SEL1L: variants seen among roughly 807,000 people sequenced by gnomAD.
SEL1L encodes the protein SEL1L adaptor subunit of SYVN1 ubiquitin ligase, also known as protein sel-1 homolog 1.
In SEL1L, 52 loss-of-function variants were observed where a neutral mutation model predicts 109.8. That is an observed-to-expected ratio of 0.47 (90% confidence interval 0.38 to 0.60). The LOEUF is 0.60. Among genes scored for constraint, SEL1L ranks in the 20% least tolerant of loss-of-function variants. SEL1L has a pLI of 0.00. For synonymous variants in SEL1L, 373 were observed against 339.6 expected, an observed-to-expected ratio of 1.10 and a Z score of -1.08; for missense variants, 749 against 962.2, an observed-to-expected ratio of 0.78 and a Z score of 2.93.
chr14:81,532,022 A>C (rs751338343), intron 1 of SEL1L, among the ~76,000 whole-genome samples: 2 of 152,244 alleles, frequency 1.3e-5, no homozygotes, highest in Non-Finnish European at 2.9e-5. Context: ...TCCTCTACCT[A>C]CATCAATACA....
At chr14:81,528,829 G>A (rs1885216354) in intron 1 of SEL1L, among the ~76,000 whole-genome samples, 1 of 152,102 alleles carries the variant, frequency 6.6e-6, no homozygotes, top group Non-Finnish European at 1.5e-5. Flanking sequence ...AATATCATTT[G>A]TAATTTGCAA....
intron 3 of SEL1L, among the ~76,000 whole-genome samples, chr14:81,522,548 A>T (rs1336520159): frequency 6.6e-6 from 1 of 152,254 alleles, no homozygotes; most frequent in African/African-American, 2.4e-5. Context: ...AGGCTATAAC[A>T]TATAGCCGAG....
chr14:81,492,601 G>A (rs1189311663), intron 11 of SEL1L, 53 bp from the exon 12 acceptor site: 5 of 1,184,114 alleles, frequency 4.2e-6, no homozygotes, highest in East Asian at 5.1e-5. Flanking sequence ...ATCTGCTTTT[G>A]ACTTTCAGCC....
intron 10 of SEL1L, among the ~76,000 whole-genome samples, chr14:81,495,576 T>C (rs1883713389): frequency 6.6e-6 from 1 of 152,084 alleles, no homozygotes; most frequent in South Asian, 2.1e-4. Flanking sequence ...AGGTCGAGGC[T>C]GCAGTGAGCT....
chr14:81,530,494 A>T (rs1281892612), intron 1 of SEL1L, among the ~76,000 whole-genome samples: 2 of 152,194 alleles, frequency 1.3e-5, no homozygotes, highest in East Asian at 1.9e-4. Context: ...TACTCTCTGA[A>T]TTTATAATTA....
Position 81,487,490 on chromosome 14 carries a change from T to C in SEL1L, c.1532A>G (p.Asn511Ser). The change falls in exon 16 of 21, where the codon AAT (asparagine) becomes AGT (serine). Residue 511 changes from asparagine (N) to serine (S), a missense_variant. By Grantham distance (46) the Asn-to-Ser change is conservative (BLOSUM62 1). Around this residue, in one of 2 missense-constraint regions of SEL1L, gnomAD observed 383 missense variants for 562.5 expected, o/e 0.68. Coordinates refer to ENST00000336735, the MANE Select transcript of SEL1L (RefSeq NM_005065.6). ...GATATGGCCTCCCTGAGAAGCTAAA[T>C]TAAAATACTTCAAGGCCTGTTTATA... ...RDYKQALKYF[N>S]LASQGGHILA... The C allele has an allele frequency of 6.2e-7, 1 of 1,607,728 alleles. No homozygotes were observed. Among genetic ancestry groups the C allele is most frequent in the Non-Finnish European group, 8.5e-7 (1 of 1,178,744 alleles).
At chr14:81,505,079 G>A (rs1884184857) in intron 4 of SEL1L, among the ~76,000 whole-genome samples, 1 of 152,132 alleles carries the variant, frequency 6.6e-6, no homozygotes, top group Admixed American at 6.6e-5. Context: ...GCTAAAATAA[G>A]GTCAAGACAT....
At position 81,472,598 on chromosome 14, in the gene SEL1L, A is replaced by G. The variant is rs1377282543; in HGVS notation, c.*4374T>C. The G allele has an allele frequency of 2.2e-6, 1 of 458,620 alleles. No individual in the cohort carries two copies. Among genetic ancestry groups the G allele is most frequent in the Admixed American group, 2.4e-5 (1 of 42,236 alleles). The allele number at this position is 458,620 out of a possible 1,614,324, so 28.4% of individuals were successfully genotyped here. A position where few individuals can be genotyped will look rare whatever the true frequency, so the allele number is the denominator to read the frequency against. On this transcript the variant is annotated 3_prime_UTR_variant, in exon 21 of 21. Transcript: ENST00000336735. ...AAAAATTCCTGGGACAAGGCAATGC[A>G]TAAACAAACTTTAGATAAATAATAT... is the stretch of plus-strand genomic sequence containing the variant.
chr14:81,517,294 G>C lies in SEL1L; in HGVS notation c.340+9439C>G, dbSNP rs373206309. On this transcript the variant is annotated intron_variant, in intron 3 of 20. Transcript: ENST00000336735. The stretch of plus-strand genomic sequence containing the variant: ...AAAATGAGGGAAAAGGCAGTGTATT[G>C]CAGGTGAGGCCTGTAGTTTTTGTTC... Among the ~76,000 whole-genome samples the C allele has an allele frequency of 3.3e-5, 5 of 152,190 alleles. No homozygotes were observed. In the East Asian group the frequency reaches 5.8e-4, roughly 18 times the overall value.
intron 3 of SEL1L, among the ~76,000 whole-genome samples, chr14:81,514,528 G>A (rs1192496556): frequency 6.6e-6 from 1 of 152,206 alleles, no homozygotes; most frequent in Non-Finnish European, 1.5e-5. Flanking sequence ...ACAGACAAGA[G>A]TGCAGGATTT....
At chr14:81,516,587 A>G (rs1309653484) in intron 3 of SEL1L, among the ~76,000 whole-genome samples, 1 of 152,192 alleles carries the variant, frequency 6.6e-6, no homozygotes, top group Non-Finnish European at 1.5e-5. Flanking sequence ...CGGACACGCC[A>G]CCATTCTAAC....
At chr14:81,523,917 C>A (rs1357184804) in intron 3 of SEL1L, among the ~76,000 whole-genome samples, 1 of 152,212 alleles carries the variant, frequency 6.6e-6, no homozygotes, top group African/African-American at 2.4e-5. Context: ...TATATCCTTA[C>A]AATGCTCAAA....
intron 10 of SEL1L, among the ~76,000 whole-genome samples, chr14:81,495,968 A>G (rs904109397): frequency 4.6e-5 from 7 of 152,152 alleles, no homozygotes; most frequent in Non-Finnish European, 1.0e-4. Flanking sequence ...CAAAACAAAA[A>G]ACAAAAACAC....
chr14:81,489,596 G>T (rs191995668), intron 13 of SEL1L, among the ~76,000 whole-genome samples: 1 of 152,128 alleles, frequency 6.6e-6, no homozygotes, highest in African/African-American at 2.4e-5. Flanking sequence ...ATGAATTTAT[G>T]ACATAAAGCA....
intron 3 of SEL1L, among the ~76,000 whole-genome samples, chr14:81,517,010 C>T (rs543650908): frequency 6.6e-6 from 1 of 152,232 alleles, no homozygotes; most frequent in African/African-American, 2.4e-5. Flanking sequence ...TTAGGGGTTC[C>T]CTGACACAGA....
chr14:81,495,062 C>T lies in SEL1L; in HGVS notation c.1185+19G>A. 1.2e-6 allele frequency: 2 copies of T among 1,612,082 alleles called. No individual in the cohort carries two copies. Among genetic ancestry groups the T allele is most frequent in the Non-Finnish European group, 8.5e-7 (1 of 1,178,734 alleles). ...CCTGCTAAAACTGAGATGCAAAGCC[C>T]TAGGAACAGGGTAGTTACCTGATGA... is the stretch of plus-strand genomic sequence containing the variant. On this transcript the variant is annotated intron_variant, in intron 11 of 20. Coordinates refer to ENST00000336735, the MANE Select transcript of SEL1L (RefSeq NM_005065.6).
chr14:81,497,390 C>T (rs75937393), intron 10 of SEL1L, among the ~76,000 whole-genome samples: 10,817 of 152,260 alleles, frequency 0.071, 1,200 homozygotes, highest in African/African-American at 0.24. Flanking sequence ...GGTACTTTGA[C>T]GGACATTATA....
At chr14:81,530,706 AAAGAG>A (rs1187357328) in intron 1 of SEL1L, among the ~76,000 whole-genome samples, 6 of 152,246 alleles carry the variant, frequency 3.9e-5, no homozygotes, top group Non-Finnish European at 7.3e-5. Flanking sequence ...TATTAATAGA[AAAGAG>A]AAAATGTTTC....
rs922892469 is a variant in SEL1L at position 81,476,196 on chromosome 14, A to T, written c.*776T>A. 14 of 152,212 alleles carry T rather than the reference A, an allele frequency of 9.2e-5. No homozygotes were observed. The highest frequency in any genetic ancestry group is 3.4e-4 in the African/African-American group (14 of 41,448). The allele number at this position is 152,212 out of a possible 1,614,324, so 9.4% of individuals were successfully genotyped here. A position where few individuals can be genotyped will look rare whatever the true frequency, so the allele number is the denominator to read the frequency against. On this transcript the variant is annotated 3_prime_UTR_variant, in exon 21 of 21. Transcript: ENST00000336735. ...TCAAGGCTCTGTATATTCAAAACAA[A>T]CAAGCAAATTACAGAGTAGGTGGGG...
Sources: gnomAD v4.1 joint callset for allele counts (sites outside exome capture counted in the v4.1 genomes callset) on GRCh38, gnomAD v4.1.1 for gene constraint, gnomAD v4.1.1 regional missense constraint, MANE v1.5 for transcripts, NCBI Gene and HGNC (gene_info 2026-07-23, HGNC 2026-07-21) for gene names.